The following PRKN variants were observed in gnomAD, a reference collection of about 807,000 sequenced individuals.
PRKN encodes parkin RBR E3 ubiquitin protein ligase, also known as E3 ubiquitin-protein ligase parkin.
Under a neutral mutation model 59.5 loss-of-function variants are expected in PRKN, and 56 were observed. That is an observed-to-expected ratio of 0.94 (90% confidence interval 0.76 to 1.18). The LOEUF is 1.18. Ranked by LOEUF, PRKN falls within the 50% of genes most tolerant of loss-of-function variation. The probability of loss-of-function intolerance (pLI) is 0.00; values close to 1 mark genes in which losing one functional copy is unlikely to be tolerated. For missense variants in PRKN, 657 were observed against 596.4 expected (o/e 1.10, Z -1.06); for synonymous variants, 250 against 222.1 (o/e 1.13, Z -1.12).
rs1562388699 is a variant in PRKN at position 161,352,773 on chromosome 6, T to TATATATATATATA, written c.1286-2563_1286-2562insTATATATATATAT. Among the ~76,000 whole-genome samples, 2 of 74,928 alleles carry TATATATATATATA rather than the reference T, an allele frequency of 2.7e-5. No individual in the cohort carries two copies. Among genetic ancestry groups the TATATATATATATA allele is most frequent in the African/African-American group, 1.2e-4 (2 of 16,826 alleles). 49.2% of individuals were successfully genotyped at this position (74,928 alleles called of 152,430 possible). On this transcript the variant is annotated intron_variant, in intron 11 of 11. Transcript: ENST00000366898. The surrounding 1 kb of genome is among the most constrained non-coding windows in gnomAD (Gnocchi z 5.8). ...TGTGTGTGTATATATATATATATAT[T>TATATATATATATA]TTATTTTATTTTATTTTATTTTTTT...
intron 4 of PRKN, among the ~76,000 whole-genome samples, chr6:162,101,442 G>A (rs1379364880): frequency 6.6e-6 from 1 of 151,818 alleles, no homozygotes; most frequent in Non-Finnish European, 1.5e-5. Flanking sequence ...GCCGAGTCGG[G>A]CGGAACACGA....
At chr6:162,665,283 C>T (rs1303367088) in intron 1 of PRKN, among the ~76,000 whole-genome samples, 1 of 151,922 alleles carries the variant, frequency 6.6e-6, no homozygotes, top group South Asian at 2.1e-4. Flanking sequence ...TTTAGAAAAC[C>T]CCATTATCTC....
chr6:161,843,516 T>A (rs955944194), intron 6 of PRKN, among the ~76,000 whole-genome samples: 2 of 152,224 alleles, frequency 1.3e-5, no homozygotes, highest in Non-Finnish European at 2.9e-5. Context: ...CTGGGCGCAG[T>A]GGCTCACGCC....
chr6:162,146,651 T>C (rs972604601), intron 4 of PRKN, among the ~76,000 whole-genome samples: 4 of 152,078 alleles, frequency 2.6e-5, no homozygotes, highest in African/African-American at 9.6e-5. Flanking sequence ...ACTACAGGCA[T>C]GCACCATCAT....
At chr6:162,487,277 C>T (rs1464963310) in intron 1 of PRKN, among the ~76,000 whole-genome samples, 1 of 152,144 alleles carries the variant, frequency 6.6e-6, no homozygotes, top group Non-Finnish European at 1.5e-5. Flanking sequence ...CTTTGCCAGA[C>T]AGCCTCTGCG....
At position 162,254,951 on chromosome 6, in the gene PRKN, G is replaced by A. The variant is rs557743896; in HGVS notation, c.412+7574C>T. On this transcript the variant is annotated intron_variant, in intron 3 of 11. Transcript: ENST00000366898. ...GAAAATGTAACACTCCAGAAAAACA[G>A]CCATGGGAAGTATTATTCCTCATGC... 2.6e-5 allele frequency among the ~76,000 whole-genome samples: 4 copies of A among 152,054 alleles called. No individual in the cohort carries two copies. The East Asian group carries it at 7.7e-4, about 29-fold the overall frequency.
At chr6:162,616,538 C>T (rs747595712) in intron 1 of PRKN, among the ~76,000 whole-genome samples, 12 of 152,088 alleles carry the variant, frequency 7.9e-5, no homozygotes, top group Non-Finnish European at 1.8e-4. Flanking sequence ...TGATACCCCC[C>T]CGTAATATAA....
chr6:161,803,245 A>G (rs1287704092), intron 6 of PRKN, among the ~76,000 whole-genome samples: 2 of 152,294 alleles, frequency 1.3e-5, no homozygotes, highest in Non-Finnish European at 1.5e-5. Context: ...TCATTTCCTA[A>G]TGAGGGCTCC....
chr6:162,518,493 G>C (rs548863659), intron 1 of PRKN, among the ~76,000 whole-genome samples: 2 of 152,246 alleles, frequency 1.3e-5, no homozygotes, highest in Admixed American at 1.3e-4. Flanking sequence ...AGCCTCCTGA[G>C]TTAGCTGGTA....
Position 161,501,724 on chromosome 6 carries a change from C to G in PRKN, c.1083+47130G>C, listed in dbSNP as rs1473352962. 2.0e-5 allele frequency among the ~76,000 whole-genome samples: 3 copies of G among 152,254 alleles called. No individual in the cohort carries two copies. In the East Asian group the frequency reaches 5.8e-4, roughly 29 times the overall value. On this transcript the variant is annotated intron_variant, in intron 9 of 11. Coordinates refer to ENST00000366898, the MANE Select transcript of PRKN (RefSeq NM_004562.3). The stretch of plus-strand genomic sequence containing the variant: ...CCTCTCAGATGCTGGAGAAACTGGT[C>G]ATTTGTTCTCTATAGCATCTCACAT...
intron 6 of PRKN, among the ~76,000 whole-genome samples, chr6:161,898,612 G>A (rs917660941): frequency 1.3e-5 from 2 of 152,202 alleles, no homozygotes; most frequent in African/African-American, 2.4e-5. Context: ...AGCTAAAGTT[G>A]CGGGCATCTT....
rs200132230 is a variant in PRKN, at chr6:162,021,896, T to A, written c.618+32195A>T. On this transcript the variant is annotated intron_variant, in intron 5 of 11. Coordinates refer to ENST00000366898, the MANE Select transcript of PRKN (RefSeq NM_004562.3). ...AGTGTCTATTGTACCCGTCTTTATG[T>A]CCATGTGTACCCATCGTTTAGTTCC... Among the ~76,000 whole-genome samples the A allele has an allele frequency of 2.6e-5, 4 of 152,150 alleles. No homozygotes were observed. The East Asian group carries it at 7.7e-4, about 29-fold the overall frequency.
Position 162,326,008 on chromosome 6 carries a change from A to C in PRKN, c.172-63243T>G, listed in dbSNP as rs750204205. Among the ~76,000 whole-genome samples the C allele has an allele frequency of 7.6e-4, 116 of 152,298 alleles. 1 individual carries two copies. The highest frequency in any genetic ancestry group is 2.6e-3 in the African/African-American group (109 of 41,574). The stretch of plus-strand genomic sequence containing the variant: ...AGCTCAGTAAAACATAAGCCAGCAA[A>C]TCAGAGGCCGCTCATAGAAGGAGTC... On this transcript the variant is annotated intron_variant, in intron 2 of 11. Transcript: ENST00000366898.
chr6:161,621,846 G>A (rs1304299629), intron 7 of PRKN, among the ~76,000 whole-genome samples: 2 of 151,986 alleles, frequency 1.3e-5, no homozygotes, highest in Admixed American at 6.6e-5. Context: ...TACAACATAG[G>A]CCACCCACAC....
rs546709812 is a variant in PRKN at position 162,464,094 on chromosome 6, A to C, written c.8-20621T>G. 2.6e-5 allele frequency among the ~76,000 whole-genome samples: 4 copies of C among 152,344 alleles called. No individual in the cohort carries two copies. In the East Asian group the frequency reaches 7.7e-4, roughly 29 times the overall value. On this transcript the variant is annotated intron_variant, in intron 1 of 11. Coordinates refer to ENST00000366898, the MANE Select transcript of PRKN (RefSeq NM_004562.3). ...GCTTTGTAAATGCTTATACATAACA[A>C]GTACTTTCAACAAAAAATTCTAACA... is the stretch of plus-strand genomic sequence containing the variant.
At chr6:161,436,828 C>G (rs1228372120) in intron 9 of PRKN, among the ~76,000 whole-genome samples, 1 of 151,942 alleles carries the variant, frequency 6.6e-6, no homozygotes, top group East Asian at 1.9e-4. Flanking sequence ...TGAAATTGGC[C>G]TTTCCTCTCT....
chr6:162,350,522 A>G (rs1236483927), intron 2 of PRKN, among the ~76,000 whole-genome samples: 2 of 152,206 alleles, frequency 1.3e-5, no homozygotes, highest in Non-Finnish European at 2.9e-5. Context: ...AAACAGACAC[A>G]AACATGTTGA....
At chr6:162,133,174 G>C (rs1227881139) in intron 4 of PRKN, among the ~76,000 whole-genome samples, 2 of 152,196 alleles carry the variant, frequency 1.3e-5, no homozygotes, top group Non-Finnish European at 2.9e-5. Flanking sequence ...TCTAGACATT[G>C]AAGACTGATA....
intron 5 of PRKN, among the ~76,000 whole-genome samples, chr6:162,048,862 G>A (rs757899780): frequency 6.6e-6 from 1 of 152,024 alleles, no homozygotes; most frequent in African/African-American, 2.4e-5. Flanking sequence ...AATGAAGATC[G>A]ACACAGAATA....
Sources: gnomAD v4.1 joint callset for allele counts (sites outside exome capture counted in the v4.1 genomes callset) on GRCh38, gnomAD v4.1.1 for gene constraint, Gnocchi (gnomAD v3.1) non-coding constraint, MANE v1.5 for transcripts, NCBI Gene and HGNC (gene_info 2026-07-23, HGNC 2026-07-21) for gene names.